The following SLC11A2 variants were observed in gnomAD, a reference collection of about 807,000 sequenced individuals.
SLC11A2 encodes solute carrier family 11 member 2, also known as natural resistance-associated macrophage protein 2.
SLC11A2 carries 38 observed loss-of-function variants against 68.0 expected under a neutral mutation model. The observed-to-expected ratio is 0.56, with a 90% CI of 0.43 to 0.73. SLC11A2 has a LOEUF of 0.73. Among genes scored for constraint, SLC11A2 ranks in the 30% least tolerant of loss-of-function variants. SLC11A2 has a pLI of 0.00. For synonymous variants in SLC11A2, 242 were observed against 250.6 expected, an observed-to-expected ratio of 0.97 and a Z score of 0.32; for missense variants, 517 against 690.5, an observed-to-expected ratio of 0.75 and a Z score of 2.82.
chr12:50,969,702 C>CAAA, the SLC11A2 span, among the ~76,000 whole-genome samples: 40 of 112,754 alleles, frequency 3.5e-4, 1 homozygote, highest in South Asian at 1.4e-3. Flanking sequence ...GACTCCATCT[C>CAAA]AAAAAAAAAA....
rs1312273180 is a variant in SLC11A2, at chr12:51,005,354, T to C, written c.266A>G (p.Asn89Ser). ...LMSIAYLDPG[N>S]IESDLQSGAV... ...TCCAGACTGCAAATCGGATTCAATATTTCCTGGATCCAGGTAGGCAATGCT... is the reference window on the plus strand; with the variant it reads ...TCCAGACTGCAAATCGGATTCAATACTTCCTGGATCCAGGTAGGCAATGCT... Residue 89 changes from asparagine to serine, a missense_variant, in exon 4 of 16, where the codon AAT (asparagine) becomes AGT (serine). Physicochemically the swap from Asn to Ser is conservative, Grantham distance 46 (BLOSUM62 1). Transcript: ENST00000262052. 2 of 1,613,836 alleles carry C rather than the reference T, an allele frequency of 1.2e-6. No individual in the cohort carries two copies. Among genetic ancestry groups the C allele is most frequent in the Non-Finnish European group, 1.7e-6 (2 of 1,179,884 alleles).
intron 9 of SLC11A2, among the ~76,000 whole-genome samples, chr12:50,996,037 C>T (rs1209269614): frequency 6.6e-6 from 1 of 152,182 alleles, no homozygotes; most frequent in Non-Finnish European, 1.5e-5. Flanking sequence ...GACTAAATGA[C>T]TACTGAGCTC....
At chr12:50,985,978 C>T (rs1245490962), downstream of SLC11A2, 2 of 1,142,432 alleles carry the variant, frequency 1.8e-6, no homozygotes, top group South Asian at 1.9e-5. Flanking sequence ...TAAAAAAATA[C>T]CCAGGAAACC....
chr12:51,015,120 A>G (rs1285726391), intron 1 of SLC11A2, among the ~76,000 whole-genome samples: 1 of 150,990 alleles, frequency 6.6e-6, no homozygotes, highest in Non-Finnish European at 1.5e-5. Flanking sequence ...ATATTGCACC[A>G]CTGCACTCCA....
chr12:51,004,714 G>A, intron 5 of SLC11A2, 74 bp downstream of exon 5: 1 of 1,558,540 alleles, frequency 6.4e-7, no homozygotes, highest in Non-Finnish European at 8.8e-7. Flanking sequence ...TATAGAATGA[G>A]GCCAGCACAT....
the SLC11A2 span, among the ~76,000 whole-genome samples, chr12:50,958,561 G>A: frequency 4.0e-5 from 6 of 151,694 alleles, no homozygotes; most frequent in African/African-American, 9.7e-5. Flanking sequence ...GATTACAGGC[G>A]TGAGCCACCG....
chr12:50,994,472 C>A, intron 11 of SLC11A2, 72 bp downstream of exon 11: 1 of 966,068 alleles, frequency 1.0e-6, no homozygotes, highest in South Asian at 1.3e-5. Flanking sequence ...GAAGTGAAGT[C>A]ACAAAAAAGA....
At chr12:50,953,855 A>AT in the SLC11A2 span, 1 of 558,680 alleles carries the variant, frequency 1.8e-6, no homozygotes, top group African/African-American at 1.9e-5. Flanking sequence ...AGGAAAGACA[A>AT]TTGTTTCAGT....
intron 3 of SLC11A2, 174 bp downstream of exon 3, chr12:51,008,302 G>GGTGT (rs532914132): frequency 7.6e-4 from 399 of 522,182 alleles, no homozygotes; most frequent in Non-Finnish European, 1.0e-3. Flanking sequence ...ATATAGATGG[G>GGTGT]GTGTGTGTGT....
chr12:50,978,120 G>A (rs1939874222), downstream of SLC11A2, among the ~76,000 whole-genome samples: 2 of 152,108 alleles, frequency 1.3e-5, no homozygotes, highest in African/African-American at 4.8e-5. Flanking sequence ...AATACCATTT[G>A]ACCCAGCCAT....
chr12:51,003,565 A>AAACAT (rs2136271814), intron 5 of SLC11A2, among the ~76,000 whole-genome samples: 1 of 149,838 alleles, frequency 6.7e-6, no homozygotes, highest in South Asian at 2.1e-4. Flanking sequence ...AAAAAAAACA[A>AAACAT]AACAAACAAA....
At chr12:50,994,816 C>T (rs1941544182) in intron 10 of SLC11A2, 186 bp from the exon 11 acceptor site, 3 of 535,426 alleles carry the variant, frequency 5.6e-6, no homozygotes, top group South Asian at 2.0e-5. Context: ...AATCCTTCTA[C>T]ACCCACAGGT....
chr12:51,016,962 T>C (rs454520), intron 1 of SLC11A2, among the ~76,000 whole-genome samples: 105,057 of 150,930 alleles, frequency 0.7, 37,699 homozygotes, highest in East Asian at 0.87. Context: ...GCAGTGAGTG[T>C]TGATCAGGCC....
In SLC11A2 at chr12:51,008,604, C is replaced by A. The variant is rs367872180; in HGVS notation, c.55G>T (p.Gly19Trp). The change falls in exon 3 of 16, where the codon GGG becomes TGG. Residue 19 changes from glycine to tryptophan, a missense_variant. By Grantham distance (184) the Gly-to-Trp change is radical. Transcript: ENST00000262052. ...MSDDSVSGDHGESASLGNINP... is the reference protein window; with the variant it reads ...MSDDSVSGDHWESASLGNINP... ...ATGTTACCAAGACTGGCAGACTCCCCATGATCTCCAGAAACACTGTCTGAA... is the reference window on the plus strand; with the variant it reads ...ATGTTACCAAGACTGGCAGACTCCCAATGATCTCCAGAAACACTGTCTGAA... The A allele has an allele frequency of 4.3e-6, 7 of 1,612,778 alleles. No individual in the cohort carries two copies. The highest frequency in any genetic ancestry group is 1.6e-4 in the Middle Eastern group (1 of 6,080).
the SLC11A2 span, chr12:50,961,203 G>C: frequency 8.1e-7 from 1 of 1,237,298 alleles, no homozygotes; most frequent in Non-Finnish European, 1.1e-6. Flanking sequence ...TCACAATGAT[G>C]TAATGAGAGA....
chr12:50,991,527 C>T (rs2136186715), intron 14 of SLC11A2, 72 bp downstream of exon 14: 2 of 1,165,692 alleles, frequency 1.7e-6, no homozygotes, highest in Non-Finnish European at 2.6e-6. Context: ...TCACGTCTGA[C>T]TGGCCTACTG....
chr12:51,006,461 A>C (rs1193178227), intron 3 of SLC11A2, among the ~76,000 whole-genome samples: 2 of 152,232 alleles, frequency 1.3e-5, no homozygotes, highest in Admixed American at 1.3e-4. Context: ...ACTCCAAGAT[A>C]TATTTCTTTG....
At chr12:50,977,271 C>A (rs1442123300), downstream of SLC11A2, among the ~76,000 whole-genome samples, 1 of 152,196 alleles carries the variant, frequency 6.6e-6, no homozygotes, top group African/African-American at 2.4e-5. Context: ...GTAACCAAAA[C>A]AGCATGGTAC....
At position 50,987,979 on chromosome 12, in the gene SLC11A2, A is replaced by AT. The variant is rs745644051; in HGVS notation, c.*345dup. On this transcript the variant is annotated 3_prime_UTR_variant, in exon 16 of 16. Transcript: ENST00000262052. Reference sequence around the variant, plus strand: ...AATAAAAAATGTATTGCATTTTCCAATTTTTTTTTAACATATAGCCTGGTT... The same window carrying AT: ...AATAAAAAATGTATTGCATTTTCCAATTTTTTTTTTAACATATAGCCTGGTT... The AT allele has an allele frequency of 1.8e-4, 225 of 1,272,612 alleles. No individual in the cohort carries two copies. The highest frequency in any genetic ancestry group is 3.2e-4 in the East Asian group (6 of 18,982). 78.8% of individuals were successfully genotyped at this position (1,272,612 alleles called of 1,614,324 possible).
Sources: gnomAD v4.1 joint callset for allele counts (sites outside exome capture counted in the v4.1 genomes callset) on GRCh38, gnomAD v4.1.1 for gene constraint, MANE v1.5 for transcripts, NCBI Gene and HGNC (gene_info 2026-07-23, HGNC 2026-07-21) for gene names.